Variants in TPST1 observed in about 807,000 individuals in gnomAD.
TPST1 encodes protein-tyrosine sulfotransferase 1.
In TPST1, 20 loss-of-function variants were observed where a neutral mutation model predicts 34.8. The ratio of observed to expected loss-of-function variants is 0.57; its 90% CI spans 0.40 to 0.84. TPST1 has a LOEUF of 0.84. Among genes scored for constraint, TPST1 ranks in the 40% least tolerant of loss-of-function variants. The probability of loss-of-function intolerance (pLI) is 0.00; values close to 1 mark genes in which losing one functional copy is unlikely to be tolerated. For missense variants in TPST1, 353 were observed against 455.5 expected (o/e 0.78, Z 2.05); for synonymous variants, 152 against 159.4 (o/e 0.95, Z 0.35).
chr7:66,340,275 G>C (rs1349004618), intron 3 of TPST1, among the ~76,000 whole-genome samples: 1 of 152,024 alleles, frequency 6.6e-6, no homozygotes, highest in Non-Finnish European at 1.5e-5. Context: ...CACAGCTAAC[G>C]TCATGTTCAA....
intron 1 of TPST1, among the ~76,000 whole-genome samples, chr7:66,227,719 G>A (rs1451733683): frequency 8.1e-6 from 1 of 124,008 alleles, no homozygotes; most frequent in Non-Finnish European, 1.7e-5. Context: ...TTTGAAAGTA[G>A]AGCCAACAGA....
At chr7:66,303,936 A>G (rs1791370382) in intron 3 of TPST1, among the ~76,000 whole-genome samples, 1 of 152,194 alleles carries the variant, frequency 6.6e-6, no homozygotes, top group Non-Finnish European at 1.5e-5. Context: ...TCAGCTCACA[A>G]GGATTCTGCC....
At chr7:66,202,094 T>C (rs1373317636), upstream of TPST1, among the ~76,000 whole-genome samples, 1 of 152,236 alleles carries the variant, frequency 6.6e-6, no homozygotes, top group Non-Finnish European at 1.5e-5. Flanking sequence ...GGGTATATTA[T>C]ACACACTGTT....
chr7:66,351,671 C>CA (rs749188820), intron 3 of TPST1, among the ~76,000 whole-genome samples: 1,640 of 111,890 alleles, frequency 0.015, 20 homozygotes, highest in African/African-American at 0.037. Flanking sequence ...CCCTCCCCTC[C>CA]AAAAAAAAAA....
chr7:66,331,036 G>A (rs535974018), intron 3 of TPST1, among the ~76,000 whole-genome samples: 1 of 152,178 alleles, frequency 6.6e-6, no homozygotes, highest in Non-Finnish European at 1.5e-5. Flanking sequence ...AGTCATCCAA[G>A]GCTCAGCTGG....
At chr7:66,350,945 TGTA>T (rs1220957091) in intron 3 of TPST1, among the ~76,000 whole-genome samples, 2 of 152,352 alleles carry the variant, frequency 1.3e-5, no homozygotes, top group East Asian at 1.9e-4. Context: ...TGAATTTTGT[TGTA>T]GTATATCACA....
intron 2 of TPST1, among the ~76,000 whole-genome samples, chr7:66,263,967 C>T (rs1225765243): frequency 6.6e-6 from 1 of 152,064 alleles, no homozygotes; most frequent in African/African-American, 2.4e-5. Context: ...AGTGAGCTTA[C>T]CCAAGCCCCA....
intron 2 of TPST1, among the ~76,000 whole-genome samples, chr7:66,280,901 A>G (rs1337927861): frequency 6.6e-6 from 1 of 152,228 alleles, no homozygotes; most frequent in Non-Finnish European, 1.5e-5. Context: ...TTACAAATAC[A>G]TAATTTCCAC....
At position 66,295,819 on chromosome 7, in the gene TPST1, T is replaced by G. The variant is rs532829438; in HGVS notation, c.1044+9110T>G. 2.0e-5 allele frequency among the ~76,000 whole-genome samples: 3 copies of G among 152,240 alleles called. No homozygotes were observed. In the East Asian group the frequency reaches 5.8e-4, roughly 29 times the overall value. On this transcript the variant is annotated intron_variant, in intron 3 of 5. Transcript: ENST00000304842. The stretch of plus-strand genomic sequence containing the variant: ...GCTAATTTTTTTTAATTTTTTATTT[T>G]TAGTAAAGTTAGGGTTTCGTTGTGT...
chr7:66,352,583 G>T (rs1317398024), intron 4 of TPST1, 28 bp downstream of exon 4: 1 of 1,610,884 alleles, frequency 6.2e-7, no homozygotes, highest in African/African-American at 1.3e-5. Flanking sequence ...TCCTCCTGAT[G>T]TATACTAGAT....
chr7:66,340,253 A>G (rs965609491), intron 3 of TPST1, among the ~76,000 whole-genome samples: 20 of 152,142 alleles, frequency 1.3e-4, no homozygotes, highest in Non-Finnish European at 1.0e-4. Context: ...CTCAAACCAT[A>G]TATGACAAAC....
At chr7:66,347,560 T>C (rs1016923533) in intron 3 of TPST1, among the ~76,000 whole-genome samples, 5 of 152,222 alleles carry the variant, frequency 3.3e-5, no homozygotes, top group African/African-American at 1.2e-4. Context: ...GCCAGTACCA[T>C]GCTGTTTTGG....
chr7:66,293,821 A>G (rs573821861), intron 3 of TPST1, among the ~76,000 whole-genome samples: 1 of 152,344 alleles, frequency 6.6e-6, no homozygotes, highest in Non-Finnish European at 1.5e-5. Context: ...GTTACACTAG[A>G]AAAATTATTA....
intron 1 of TPST1, among the ~76,000 whole-genome samples, chr7:66,231,570 C>T (rs1360367597): frequency 6.6e-6 from 1 of 152,240 alleles, no homozygotes; most frequent in Non-Finnish European, 1.5e-5. Context: ...CCCTCTGCAG[C>T]CGCTAGCCTG....
chr7:66,224,937 G>C (rs1207530352), intron 1 of TPST1, among the ~76,000 whole-genome samples: 1 of 58,620 alleles, frequency 1.7e-5, no homozygotes, highest in African/African-American at 5.6e-5. Context: ...TTTTTTGTGA[G>C]ATGGAGTTTC....
At chr7:66,317,683 T>C (rs1428400938) in intron 3 of TPST1, among the ~76,000 whole-genome samples, 1 of 152,064 alleles carries the variant, frequency 6.6e-6, no homozygotes, top group African/African-American at 2.4e-5. Context: ...GTAGGGCTTT[T>C]TTATTGGGAT....
chr7:66,242,740 C>T (rs926259771), intron 2 of TPST1, among the ~76,000 whole-genome samples: 1 of 152,098 alleles, frequency 6.6e-6, no homozygotes, highest in Non-Finnish European at 1.5e-5. Flanking sequence ...CCAGCCTCTT[C>T]AGTAGGGATT....
At chr7:66,230,744 G>T (rs1372069628) in intron 1 of TPST1, among the ~76,000 whole-genome samples, 1 of 152,168 alleles carries the variant, frequency 6.6e-6, no homozygotes, top group Non-Finnish European at 1.5e-5. Flanking sequence ...ACCCGAGCGG[G>T]TTGCCACTGC....
chr7:66,306,774 A>C (rs1791431492), intron 3 of TPST1, among the ~76,000 whole-genome samples: 1 of 152,176 alleles, frequency 6.6e-6, no homozygotes, highest in Admixed American at 6.6e-5. Context: ...GTGCAGTGGC[A>C]CAATCTTGTC....
Sources: allele counts gnomAD v4.1 joint callset (sites outside exome capture counted in the v4.1 genomes callset), GRCh38; gene constraint gnomAD v4.1.1; transcripts MANE v1.5; gene names NCBI Gene and HGNC (gene_info 2026-07-23, HGNC 2026-07-21).